CREB3L2: variants seen among roughly 807,000 people sequenced by gnomAD.
CREB3L2 encodes cAMP responsive element binding protein 3 like 2.
Under a neutral mutation model 57.2 loss-of-function variants are expected in CREB3L2, and 23 were observed. The ratio of observed to expected loss-of-function variants is 0.40; its 90% CI spans 0.29 to 0.57. The LOEUF (loss-of-function observed/expected upper bound fraction) is 0.57. Among genes scored for constraint, CREB3L2 ranks in the 20% least tolerant of loss-of-function variants. CREB3L2 has a pLI of 0.42. For synonymous variants in CREB3L2, 268 were observed against 265.1 expected (o/e 1.01, Z -0.11); for missense variants, 628 against 634.7 (o/e 0.99, Z 0.11).
chr7:137,998,265 C>A (rs1289963350), intron 1 of CREB3L2, among the ~76,000 whole-genome samples: 1 of 152,222 alleles, frequency 6.6e-6, no homozygotes, highest in African/African-American at 2.4e-5. Context: ...CCTTGGGTAA[C>A]TTGAACATTC....
intron 1 of CREB3L2, among the ~76,000 whole-genome samples, chr7:137,949,808 A>G (rs1801063775): frequency 1.3e-5 from 2 of 152,202 alleles, no homozygotes; most frequent in South Asian, 4.1e-4. Flanking sequence ...GCAAAACCCA[A>G]TCCGCACTGG....
At chr7:137,883,529 A>G (rs964723470) in intron 10 of CREB3L2, among the ~76,000 whole-genome samples, 7 of 152,210 alleles carry the variant, frequency 4.6e-5, no homozygotes, top group African/African-American at 1.7e-4. Context: ...TTTCCTATAC[A>G]TATGTACTTA....
chr7:137,923,177 C>T lies in CREB3L2; in HGVS notation c.319+4973G>A, dbSNP rs186669432. ...GTTATGACTCTCATGTATGAATATC[C>T]AAAGTAACTGTAATCGCTGGATTAA... On this transcript the variant is annotated intron_variant, in intron 2 of 11. Coordinates refer to ENST00000330387, the MANE Select transcript of CREB3L2 (RefSeq NM_194071.4). Among the ~76,000 whole-genome samples, 17 of 152,232 alleles carry T rather than the reference C, an allele frequency of 1.1e-4. No individual in the cohort carries two copies. The East Asian group carries it at 3.1e-3, about 28-fold the overall frequency.
intron 1 of CREB3L2, among the ~76,000 whole-genome samples, chr7:137,994,925 G>T (rs1801961395): frequency 6.6e-6 from 1 of 152,214 alleles, no homozygotes; most frequent in Admixed American, 6.5e-5. Context: ...TTTGACTAAG[G>T]AAAGAATTGT....
intron 1 of CREB3L2, among the ~76,000 whole-genome samples, chr7:137,970,043 T>A (rs1801481113): frequency 6.6e-6 from 1 of 151,916 alleles, no homozygotes. Flanking sequence ...AAAGCACTGT[T>A]ATGGGGGGGT....
chr7:137,984,177 T>C (rs1478733162), intron 1 of CREB3L2, among the ~76,000 whole-genome samples: 1 of 152,212 alleles, frequency 6.6e-6, no homozygotes, highest in East Asian at 1.9e-4. Context: ...AATGTTATTT[T>C]GGGATGTGGT....
chr7:137,885,584 C>A (rs374283209), intron 8 of CREB3L2, 82 bp from the exon 9 acceptor site: 1 of 1,112,908 alleles, frequency 9.0e-7, no homozygotes, highest in Admixed American at 1.9e-5. Flanking sequence ...CCAAGAAGGC[C>A]GCCGTGCCTT....
chr7:137,976,310 C>A (rs1007353439), intron 1 of CREB3L2, among the ~76,000 whole-genome samples: 1 of 152,228 alleles, frequency 6.6e-6, no homozygotes, highest in East Asian at 1.9e-4. Flanking sequence ...TCTCCACTTA[C>A]CTCCACACTC....
intron 1 of CREB3L2, among the ~76,000 whole-genome samples, chr7:137,979,366 G>A (rs1419689688): frequency 6.6e-6 from 1 of 152,172 alleles, no homozygotes; most frequent in Non-Finnish European, 1.5e-5. Flanking sequence ...CAGCAAGGGC[G>A]GGTCATCAGG....
intron 1 of CREB3L2, among the ~76,000 whole-genome samples, chr7:137,992,324 C>T (rs985571107): frequency 3.3e-5 from 5 of 152,164 alleles, no homozygotes; most frequent in African/African-American, 1.2e-4. Context: ...CACAGCTTGC[C>T]TCTAATGAGT....
At chr7:137,951,466 T>C (rs1801096679) in intron 1 of CREB3L2, among the ~76,000 whole-genome samples, 1 of 152,228 alleles carries the variant, frequency 6.6e-6, no homozygotes, top group Non-Finnish European at 1.5e-5. Flanking sequence ...AAGAACCTAA[T>C]CCTCTATTTC....
chr7:137,913,125 T>C, intron 3 of CREB3L2, 47 bp from the exon 4 acceptor site: 1 of 1,584,276 alleles, frequency 6.3e-7, no homozygotes, highest in African/African-American at 1.3e-5. Context: ...AATCACAGCC[T>C]TGAAGACACA....
At chr7:137,908,617 A>C (rs1799943369) in intron 4 of CREB3L2, among the ~76,000 whole-genome samples, 181 bp from the exon 5 acceptor site, 1 of 152,182 alleles carries the variant, frequency 6.6e-6, no homozygotes, top group African/African-American at 2.4e-5. Flanking sequence ...AAGAGGATAT[A>C]GACCCACATT....
At position 138,001,593 on chromosome 7, in the gene CREB3L2, C is replaced by G. The variant is rs770210021; in HGVS notation, c.102+11G>C. The G allele has an allele frequency of 1.9e-6, 3 of 1,602,944 alleles. No individual in the cohort carries two copies. The African/African-American group carries it at 4.0e-5, about 21-fold the overall frequency. ...TTGAAAGCCCTCCTGCCCCGCCCGC[C>G]GGGTCCTCACCGTGTGGTACATGAG... is the stretch of plus-strand genomic sequence containing the variant. On this transcript the variant is annotated intron_variant, in intron 1 of 11. Transcript: ENST00000330387. This position sits in a 1 kb window ranked among gnomAD's most constrained non-coding sequence, Gnocchi z 4.2.
chr7:137,973,985 G>C (rs1801562192), intron 1 of CREB3L2, among the ~76,000 whole-genome samples: 1 of 151,858 alleles, frequency 6.6e-6, no homozygotes. Context: ...ATGGCACAGG[G>C]AACCTATCAG....
Position 137,948,921 on chromosome 7 carries a change from C to G in CREB3L2, c.103-20555G>C, listed in dbSNP as rs79851416. Among the ~76,000 whole-genome samples the G allele has an allele frequency of 8.4e-3, 1,286 of 152,250 alleles. 16 individuals are homozygous for G. The highest frequency in any genetic ancestry group is 0.03 in the African/African-American group (1,244 of 41,542). On this transcript the variant is annotated intron_variant, in intron 1 of 11. Coordinates refer to ENST00000330387, the MANE Select transcript of CREB3L2 (RefSeq NM_194071.4). Reference sequence around the variant, plus strand: ...GCAGGATCATCAGTTTTGTGACTATCCCAGGCTTAAGGATGGCTGTCTGTT... The same window carrying G: ...GCAGGATCATCAGTTTTGTGACTATGCCAGGCTTAAGGATGGCTGTCTGTT...
At chr7:137,901,874 CAAAAA>C (rs59855306) in intron 7 of CREB3L2, among the ~76,000 whole-genome samples, 6 of 57,838 alleles carry the variant, frequency 1.0e-4, no homozygotes, top group African/African-American at 3.6e-4. Flanking sequence ...AGATCTGTCT[CAAAAA>C]AAAAAAAAAA....
In CREB3L2 at chr7:138,001,391, CAAAGTG is replaced by C. The variant is rs1443273489; in HGVS notation, c.102+207_102+212del. ...AAAAGCATGAATTGTTAAAGGAATA[CAAAGTG>C]GCATTACTCTCATGAGAAATGTAAA... On this transcript the variant is annotated intron_variant, in intron 1 of 11. Transcript: ENST00000330387. This position sits in a 1 kb window ranked among gnomAD's most constrained non-coding sequence, Gnocchi z 4.2. Among the ~76,000 whole-genome samples the C allele has an allele frequency of 1.3e-5, 2 of 152,182 alleles. No homozygotes were observed. The highest frequency in any genetic ancestry group is 6.5e-5 in the Admixed American group (1 of 15,274).
intron 4 of CREB3L2, among the ~76,000 whole-genome samples, chr7:137,910,712 C>T (rs1359339818): frequency 6.6e-6 from 1 of 152,164 alleles, no homozygotes; most frequent in East Asian, 1.9e-4. Context: ...ACCGTTCTCC[C>T]GTCCAAGCAG....
Sources: allele counts gnomAD v4.1 joint callset (sites outside exome capture counted in the v4.1 genomes callset), GRCh38; gene constraint gnomAD v4.1.1; non-coding constraint Gnocchi (gnomAD v3.1); transcripts MANE v1.5; gene names NCBI Gene and HGNC (gene_info 2026-07-23, HGNC 2026-07-21).